The following DOCK2 variants were observed in gnomAD, a reference collection of about 807,000 sequenced individuals.
DOCK2 encodes dedicator of cytokinesis 2, also known as dedicator of cytokinesis protein 2.
A neutral mutation model predicts 248.9 loss-of-function variants in DOCK2; 87 were observed. That is an observed-to-expected ratio of 0.35 (90% confidence interval 0.29 to 0.42). DOCK2 has a LOEUF of 0.42. DOCK2 is among the 10% of genes least tolerant of loss of function. DOCK2 has a pLI of 1.00. For synonymous variants in DOCK2, 805 were observed against 821.6 expected, an observed-to-expected ratio of 0.98 and a Z score of 0.35; for missense variants, 1,747 against 2,300.2, an observed-to-expected ratio of 0.76 and a Z score of 4.92.
chr5:169,808,077 C>T (rs1767507305), intron 26 of DOCK2, among the ~76,000 whole-genome samples: 1 of 152,024 alleles, frequency 6.6e-6, no homozygotes, highest in South Asian at 2.1e-4. Flanking sequence ...AAAAAAGGCC[C>T]CCAGAGCAAA....
rs1430524411 is a variant in DOCK2, at chr5:170,056,695, C to A, written c.4307C>A (p.Ser1436Tyr). ...VPDQIINFYK[S>Y]NYVQRFHYSR... ...TTCCTGTCTTTCAGCTTCTACAAATCCAACTACGTGCAAAGGTTCCACTAC... is the reference window on the plus strand; with the variant it reads ...TTCCTGTCTTTCAGCTTCTACAAATACAACTACGTGCAAAGGTTCCACTAC... Residue 1436 changes from serine (S) to tyrosine (Y), a missense_variant, in exon 43 of 52, where the codon TCC becomes TAC. Ser to Tyr is a moderately radical substitution (Grantham distance 144). This residue lies in a region of DOCK2 where 513 missense variants were observed against 586.1 expected (regional missense o/e 0.88). Transcript: ENST00000520908. The A allele has an allele frequency of 6.2e-7, 1 of 1,614,064 alleles. No individual in the cohort carries two copies. Among genetic ancestry groups the A allele is most frequent in the South Asian group, 1.1e-5 (1 of 91,076 alleles).
chr5:169,797,377 C>T (rs1680564), intron 25 of DOCK2, among the ~76,000 whole-genome samples: 1,531 of 152,252 alleles, frequency 0.01, 31 homozygotes, highest in African/African-American at 0.035. Context: ...CTGATACTGG[C>T]AAGGAGCAGG....
At chr5:169,740,254 A>G (rs1763243190) in intron 22 of DOCK2, among the ~76,000 whole-genome samples, 1 of 151,744 alleles carries the variant, frequency 6.6e-6, no homozygotes, top group Admixed American at 6.6e-5. Context: ...TTTCAGATGG[A>G]TTGTTTTTCT....
intron 27 of DOCK2, among the ~76,000 whole-genome samples, chr5:169,910,214 A>G (rs1298042231): frequency 6.6e-6 from 1 of 152,214 alleles, no homozygotes; most frequent in Non-Finnish European, 1.5e-5. Flanking sequence ...AAAGAAGAGG[A>G]CAGTCATCAG....
At chr5:169,858,587 C>T (rs1035831649) in intron 27 of DOCK2, among the ~76,000 whole-genome samples, 1 of 152,104 alleles carries the variant, frequency 6.6e-6, no homozygotes, top group African/African-American at 2.4e-5. Flanking sequence ...GAGCAACATA[C>T]CTAGTCTTAC....
intron 17 of DOCK2, 99 bp from the exon 18 acceptor site, chr5:169,713,929 C>G (rs1761728537): frequency 1.5e-6 from 2 of 1,354,804 alleles, no homozygotes; most frequent in Non-Finnish European, 2.0e-6. Context: ...CTCTTTATGA[C>G]TCTCCCCACT....
At chr5:170,074,553 A>G (rs1757780485) in intron 46 of DOCK2, among the ~76,000 whole-genome samples, 1 of 152,178 alleles carries the variant, frequency 6.6e-6, no homozygotes, top group African/African-American at 2.4e-5. Flanking sequence ...TCAAGCTGTT[A>G]TATAGAAAGA....
At chr5:170,064,560 G>C (rs1362258809) in intron 44 of DOCK2, among the ~76,000 whole-genome samples, 1 of 151,922 alleles carries the variant, frequency 6.6e-6, no homozygotes, top group Non-Finnish European at 1.5e-5. Context: ...CATATAACCT[G>C]AGGAGCAAAA....
chr5:169,972,740 CTGAT>C (rs970352789), intron 27 of DOCK2, among the ~76,000 whole-genome samples: 6 of 152,256 alleles, frequency 3.9e-5, no homozygotes, highest in African/African-American at 1.4e-4. Flanking sequence ...TATTTGATAA[CTGAT>C]TGATTGATTG....
At chr5:169,862,600 A>C (rs952222025) in intron 27 of DOCK2, among the ~76,000 whole-genome samples, 1 of 152,248 alleles carries the variant, frequency 6.6e-6, no homozygotes, top group Non-Finnish European at 1.5e-5. Context: ...TAATTCTAAC[A>C]TGACGTTATA....
At chr5:170,071,874 C>T (rs953457900) in intron 46 of DOCK2, among the ~76,000 whole-genome samples, 10 of 152,174 alleles carry the variant, frequency 6.6e-5, no homozygotes, top group Admixed American at 1.3e-4. Flanking sequence ...TACAGTCTTT[C>T]GTATCTAACT....
intron 30 of DOCK2, among the ~76,000 whole-genome samples, chr5:169,997,057 T>C (rs1383787331): frequency 6.6e-6 from 1 of 151,736 alleles, no homozygotes; most frequent in African/African-American, 2.4e-5. Flanking sequence ...TATTCATCAT[T>C]TGTGGGTGTT....
intron 38 of DOCK2, among the ~76,000 whole-genome samples, chr5:170,045,542 C>G (rs536835061): frequency 2.0e-4 from 31 of 152,294 alleles, no homozygotes; most frequent in African/African-American, 7.0e-4. Flanking sequence ...TCAGTTACCT[C>G]TCAGAGTGGT....
chr5:169,681,093 C>G (rs1759633014), intron 6 of DOCK2, among the ~76,000 whole-genome samples: 1 of 147,078 alleles, frequency 6.8e-6, no homozygotes, highest in African/African-American at 2.5e-5. Context: ...GTTGATTTAG[C>G]CATTTCTCTT....
intron 22 of DOCK2, among the ~76,000 whole-genome samples, chr5:169,725,187 A>G (rs756703384): frequency 6.6e-6 from 1 of 152,226 alleles, no homozygotes; most frequent in Non-Finnish European, 1.5e-5. Flanking sequence ...GGTTTTGAAT[A>G]TAATTTCACT....
intron 23 of DOCK2, among the ~76,000 whole-genome samples, chr5:169,753,365 C>CA (rs1764011297): frequency 6.6e-6 from 1 of 150,642 alleles, no homozygotes; most frequent in East Asian, 1.9e-4. Flanking sequence ...CACCCCCCCC[C>CA]ACCCCCTGAC....
At chr5:169,942,259 T>C (rs1226382486) in intron 27 of DOCK2, among the ~76,000 whole-genome samples, 1 of 152,188 alleles carries the variant, frequency 6.6e-6, no homozygotes, top group Non-Finnish European at 1.5e-5. Context: ...TTATCTTCCT[T>C]GGTCTATTCT....
At chr5:170,025,686 C>A (rs1755877231) in intron 33 of DOCK2, among the ~76,000 whole-genome samples, 1 of 152,104 alleles carries the variant, frequency 6.6e-6, no homozygotes, top group Non-Finnish European at 1.5e-5. Context: ...CAGGATGCAC[C>A]ATAGAAGGGA....
chr5:169,883,303 G>T (rs1772776206), intron 27 of DOCK2: 2 of 1,551,498 alleles, frequency 1.3e-6, no homozygotes, highest in South Asian at 2.4e-5. Flanking sequence ...AATGGCAGCT[G>T]TGGCTTTCTC....
Sources: allele counts gnomAD v4.1 joint callset (sites outside exome capture counted in the v4.1 genomes callset), GRCh38; gene constraint gnomAD v4.1.1; regional missense constraint gnomAD v4.1.1; transcripts MANE v1.5; gene names NCBI Gene and HGNC (gene_info 2026-07-23, HGNC 2026-07-21).